The following PTPRO variants were observed in gnomAD, a reference collection of about 807,000 sequenced individuals.
The protein encoded by PTPRO is receptor-type tyrosine-protein phosphatase O.
Under a neutral mutation model 145.2 loss-of-function variants are expected in PTPRO, and 62 were observed. The ratio of observed to expected loss-of-function variants is 0.43; its 90% confidence interval spans 0.35 to 0.53. The LOEUF (loss-of-function observed/expected upper bound fraction) is 0.53. Among genes scored for constraint, PTPRO ranks in the 20% least tolerant of loss-of-function variants. The pLI is 0.01. For missense variants in PTPRO, 1,345 were observed against 1,482.7 expected, an observed-to-expected ratio of 0.91 and a Z score of 1.53; for synonymous variants, 565 against 514.7, an observed-to-expected ratio of 1.10 and a Z score of -1.32.
chr12:15,558,053 G>C (rs1281678945), intron 16 of PTPRO, among the ~76,000 whole-genome samples: 1 of 151,914 alleles, frequency 6.6e-6, no homozygotes, highest in Admixed American at 6.6e-5. Context: ...TTCCACCTCA[G>C]CCTCCCGAGT....
At chr12:15,409,870 C>G (rs956782569) in intron 1 of PTPRO, among the ~76,000 whole-genome samples, 2 of 152,180 alleles carry the variant, frequency 1.3e-5, no homozygotes, top group African/African-American at 4.8e-5. Flanking sequence ...TCACCTCGCA[C>G]CAGGCGCTAT....
At chr12:15,553,859 G>A (rs2135567625) in intron 15 of PTPRO, among the ~76,000 whole-genome samples, 1 of 152,252 alleles carries the variant, frequency 6.6e-6, no homozygotes, top group South Asian at 2.1e-4. Flanking sequence ...TCAGATTCTG[G>A]ACATATTTTG....
intron 10 of PTPRO, among the ~76,000 whole-genome samples, chr12:15,523,063 T>C (rs1198282934): frequency 6.6e-6 from 1 of 152,244 alleles, no homozygotes; most frequent in African/African-American, 2.4e-5. Flanking sequence ...ACTTGTTAGA[T>C]GCATTGATGA....
At position 15,476,506 on chromosome 12, in the gene PTPRO, G is replaced by T. The variant is rs537505309; in HGVS notation, c.76-7468G>T. On this transcript the variant is annotated intron_variant, in intron 1 of 26. Transcript: ENST00000281171. ...GTAGGTTGCGAAAATTTTCTCCCAT[G>T]TTGTAGGTTGCCTGTTCACTCTGAT... is the stretch of plus-strand genomic sequence containing the variant. 2.3e-3 allele frequency among the ~76,000 whole-genome samples: 351 copies of T among 149,380 alleles called. 1 individual carries two copies. The highest frequency in any genetic ancestry group is 8.2e-3 in the African/African-American group (333 of 40,542).
intron 1 of PTPRO, among the ~76,000 whole-genome samples, chr12:15,422,610 G>T (rs1940177478): frequency 6.6e-6 from 1 of 152,048 alleles, no homozygotes; most frequent in Admixed American, 6.6e-5. Flanking sequence ...AGGAAATTAG[G>T]GTTTAGATAG....
chr12:15,560,084 T>C, intron 16 of PTPRO, 109 bp from the exon 17 acceptor site: 4 of 801,456 alleles, frequency 5.0e-6, no homozygotes, highest in East Asian at 2.5e-5. Flanking sequence ...AAGGTGCTTG[T>C]CATATTAATT....
chr12:15,373,471 A>G (rs931249747), intron 1 of PTPRO, among the ~76,000 whole-genome samples: 5 of 152,126 alleles, frequency 3.3e-5, no homozygotes, highest in Admixed American at 1.3e-4. Flanking sequence ...AGTCTATATG[A>G]ATCTATTATT....
At position 15,322,634 on chromosome 12, in the gene PTPRO, G is replaced by C; in HGVS notation, c.-93G>C. 2.7e-6 allele frequency: 3 copies of C among 1,101,886 alleles called. No individual in the cohort carries two copies. Among genetic ancestry groups the C allele is most frequent in the Non-Finnish European group, 4.1e-6 (3 of 738,328 alleles). 68.3% of individuals were successfully genotyped at this position (1,101,886 alleles called of 1,614,324 possible). On this transcript the variant is annotated 5_prime_UTR_variant, in exon 1 of 27. Coordinates refer to ENST00000281171, the MANE Select transcript of PTPRO (RefSeq NM_030667.3). The surrounding 1 kb of genome is among the most constrained non-coding windows in gnomAD (Gnocchi z 6.3). ...CGCCAGGAGCAACCTCGGCGCCCAG[G>C]GTCTGAGGCTGCAGCCCCAGTTCGC...
At chr12:15,392,785 T>C (rs1446630736) in intron 1 of PTPRO, among the ~76,000 whole-genome samples, 4 of 149,154 alleles carry the variant, frequency 2.7e-5, no homozygotes, top group Non-Finnish European at 4.5e-5. Flanking sequence ...CCTGCATAGA[T>C]ATCTCCCTAT....
chr12:15,480,407 G>T (rs1273723421), intron 1 of PTPRO, among the ~76,000 whole-genome samples: 1 of 152,112 alleles, frequency 6.6e-6, no homozygotes, highest in Non-Finnish European at 1.5e-5. Context: ...GTCTTAGCAA[G>T]AAATTCACTT....
At chr12:15,559,528 G>A (rs1943720189) in intron 16 of PTPRO, among the ~76,000 whole-genome samples, 1 of 152,098 alleles carries the variant, frequency 6.6e-6, no homozygotes, top group Non-Finnish European at 1.5e-5. Context: ...AAACTATTTT[G>A]CTCCTACTTA....
In PTPRO at chr12:15,510,236, A is replaced by G. The variant is rs117560592; in HGVS notation, c.1464+1469A>G. Among the ~76,000 whole-genome samples, 417 of 152,314 alleles carry G rather than the reference A, an allele frequency of 2.7e-3. 2 individuals carry two copies. Among genetic ancestry groups the G allele is most frequent in the Non-Finnish European group, 3.4e-3 (230 of 68,016 alleles). On this transcript the variant is annotated intron_variant, in intron 7 of 26. Coordinates refer to ENST00000281171, the MANE Select transcript of PTPRO (RefSeq NM_030667.3). ...AATCGTGTTCTTTGGAGCACTAGAA[A>G]GCCATAGAATGCTTGAGAATGAGGT...
intron 1 of PTPRO, among the ~76,000 whole-genome samples, chr12:15,450,698 G>A (rs1286648322): frequency 2.0e-5 from 3 of 151,966 alleles, no homozygotes; most frequent in Non-Finnish European, 4.4e-5. Flanking sequence ...GCTTGAGCCT[G>A]AGAGGTTAAG....
chr12:15,371,540 A>C (rs1332719195), intron 1 of PTPRO, among the ~76,000 whole-genome samples: 2 of 152,032 alleles, frequency 1.3e-5, no homozygotes, highest in African/African-American at 2.4e-5. Flanking sequence ...GCAAGCTCAC[A>C]TTGTTATTTT....
chr12:15,477,365 G>T (rs1164585596), intron 1 of PTPRO, among the ~76,000 whole-genome samples: 1 of 115,414 alleles, frequency 8.7e-6, no homozygotes, highest in Admixed American at 9.3e-5. Context: ...GAGGGGGGAG[G>T]GGGGAGGGAT....
intron 1 of PTPRO, among the ~76,000 whole-genome samples, chr12:15,453,830 A>G (rs1241960285): frequency 6.6e-6 from 1 of 152,154 alleles, no homozygotes; most frequent in Non-Finnish European, 1.5e-5. Flanking sequence ...ATCATGCAAT[A>G]TTTGTCCTTC....
At chr12:15,369,524 G>A (rs1273928468) in intron 1 of PTPRO, among the ~76,000 whole-genome samples, 9 of 151,970 alleles carry the variant, frequency 5.9e-5, no homozygotes, top group African/African-American at 1.9e-4. Flanking sequence ...TAATTGATGG[G>A]CCATTAATTC....
intron 14 of PTPRO, among the ~76,000 whole-genome samples, chr12:15,551,180 TA>T (rs1943448459): frequency 6.6e-6 from 1 of 152,222 alleles, no homozygotes; most frequent in Non-Finnish European, 1.5e-5. Flanking sequence ...TGCCACCCTC[TA>T]AGCTTGTGAA....
chr12:15,329,036 CTT>C (rs1427012194), intron 1 of PTPRO, among the ~76,000 whole-genome samples: 1 of 152,108 alleles, frequency 6.6e-6, no homozygotes, highest in African/African-American at 2.4e-5. Flanking sequence ...ATAACTGAGA[CTT>C]TGTTTTATTT....
Sources: allele counts gnomAD v4.1 joint callset (sites outside exome capture counted in the v4.1 genomes callset), GRCh38; gene constraint gnomAD v4.1.1; non-coding constraint Gnocchi (gnomAD v3.1); transcripts MANE v1.5; gene names NCBI Gene and HGNC (gene_info 2026-07-23, HGNC 2026-07-21).